Variants in SFMBT1 observed in about 807,000 individuals in gnomAD.
SFMBT1 encodes scm-like with four MBT domains protein 1.
SFMBT1 carries 32 observed loss-of-function variants against 108.7 expected under a neutral mutation model. The ratio of observed to expected loss-of-function variants is 0.29; its 90% CI spans 0.22 to 0.40. SFMBT1 has a LOEUF of 0.40. Among genes scored for constraint, SFMBT1 ranks in the 10% least tolerant of loss-of-function variants. The pLI, the probability that SFMBT1 is intolerant of heterozygous loss-of-function variation, is 1.00. For missense variants in SFMBT1, 816 were observed against 1,059.6 expected, an observed-to-expected ratio of 0.77 and a Z score of 3.19; for synonymous variants, 348 against 369.5, an observed-to-expected ratio of 0.94 and a Z score of 0.67.
chr3:52,959,994 G>A (rs1703907158), intron 2 of SFMBT1, among the ~76,000 whole-genome samples: 1 of 151,898 alleles, frequency 6.6e-6, no homozygotes, highest in African/African-American at 2.4e-5. Flanking sequence ...TAAATATAAG[G>A]ATGTTCATCA....
intron 4 of SFMBT1, among the ~76,000 whole-genome samples, chr3:52,942,156 T>A (rs1283849638): frequency 1.3e-5 from 2 of 152,158 alleles, no homozygotes; most frequent in African/African-American, 2.4e-5. Flanking sequence ...AAGACCATGT[T>A]TATTAAACAA....
intron 2 of SFMBT1, among the ~76,000 whole-genome samples, chr3:52,956,015 G>A (rs61331336): frequency 0.033 from 4,977 of 152,242 alleles, 304 homozygotes; most frequent in African/African-American, 0.11. Flanking sequence ...CCACAATTAC[G>A]TAGGCTTCAT....
chr3:52,969,245 T>C lies in SFMBT1; in HGVS notation c.-117A>G. On this transcript the variant is annotated 5_prime_UTR_variant, in exon 2 of 21. Transcript: ENST00000394752. ...CATCTGTTCAATGGGTATCCACGGG[T>C]CCAAATGAAAGTGCTGAAAAATGAA... The C allele has an allele frequency of 6.5e-7, 1 of 1,537,186 alleles. No homozygotes were observed. Among genetic ancestry groups the C allele is most frequent in the Non-Finnish European group, 8.7e-7 (1 of 1,147,368 alleles).
chr3:52,981,223 T>C (rs1704699962), intron 1 of SFMBT1, among the ~76,000 whole-genome samples: 2 of 149,942 alleles, frequency 1.3e-5, no homozygotes, highest in African/African-American at 4.9e-5. Context: ...CAGCAAAGGA[T>C]GGTTTGATAA....
In SFMBT1 at chr3:52,940,251, C is replaced by T. The variant is rs567857843; in HGVS notation, c.364+3102G>A. Among the ~76,000 whole-genome samples, 5 of 152,342 alleles carry T rather than the reference C, an allele frequency of 3.3e-5. No homozygotes were observed. In the East Asian group the frequency reaches 5.8e-4, roughly 18 times the overall value. On this transcript the variant is annotated intron_variant, in intron 4 of 20. Coordinates refer to ENST00000394752, the MANE Select transcript of SFMBT1 (RefSeq NM_016329.4). ...AGAAGCCCACAGACATCCCAGGACCCTAACACTCAGATCTTCGTTTCCAAA... is the reference window on the plus strand; with the variant it reads ...AGAAGCCCACAGACATCCCAGGACCTTAACACTCAGATCTTCGTTTCCAAA...
chr3:53,006,454 C>T (rs1475534932), intron 1 of SFMBT1, among the ~76,000 whole-genome samples: 1 of 152,002 alleles, frequency 6.6e-6, no homozygotes. Flanking sequence ...CATGGTGAAA[C>T]CCCGTCTCTA....
intron 2 of SFMBT1, among the ~76,000 whole-genome samples, chr3:52,960,410 C>T (rs1210842968): frequency 6.6e-6 from 1 of 152,056 alleles, no homozygotes; most frequent in Non-Finnish European, 1.5e-5. Flanking sequence ...CATTACTAAT[C>T]ATTAGGGAAA....
In SFMBT1 at chr3:52,928,207, G is replaced by A; in HGVS notation, c.1032C>T (p.His344=). 1 of 1,613,128 alleles carries A rather than the reference G, an allele frequency of 6.2e-7. No homozygotes were observed. The highest frequency in any genetic ancestry group is 2.2e-5 in the East Asian group (1 of 44,764). Reference sequence around the variant, plus strand: ...AATGTGCACCTGGAGGGGGGCTGATGTGTAGGCCATTCTTCAGACTCCACT... The same window carrying A: ...AATGTGCACCTGGAGGGGGGCTGATATGTAGGCCATTCTTCAGACTCCACT... ...PVQWSLKNGL[H]ISPPPGYPSQ... The change falls in exon 9 of 21, where the codon CAC becomes CAT. Residue 344 remains histidine, a synonymous_variant. Transcript: ENST00000394752.
chr3:52,966,453 G>A (rs1704150707), intron 2 of SFMBT1, among the ~76,000 whole-genome samples: 2 of 150,656 alleles, frequency 1.3e-5, no homozygotes, highest in Admixed American at 6.6e-5. Context: ...GTGAAACCCC[G>A]TCTCTACTAA....
intron 3 of SFMBT1, among the ~76,000 whole-genome samples, chr3:52,944,664 C>T (rs945084825): frequency 5.9e-5 from 9 of 151,922 alleles, no homozygotes; most frequent in Non-Finnish European, 1.0e-4. Context: ...GGGTTACAGG[C>T]GCCCGCCACA....
At chr3:52,941,578 A>G (rs1703183498) in intron 4 of SFMBT1, among the ~76,000 whole-genome samples, 1 of 110,348 alleles carries the variant, frequency 9.1e-6, no homozygotes, top group Non-Finnish European at 1.7e-5. Context: ...TGGGCAACAG[A>G]GTGAGACTCT....
At chr3:52,945,370 G>A (rs1298811469) in intron 3 of SFMBT1, among the ~76,000 whole-genome samples, 1 of 151,810 alleles carries the variant, frequency 6.6e-6, no homozygotes, top group South Asian at 2.1e-4. Flanking sequence ...ATAACTAATA[G>A]ATTTAAATAA....
intron 1 of SFMBT1, among the ~76,000 whole-genome samples, chr3:53,024,944 C>T (rs2581780): frequency 0.72 from 108,990 of 152,014 alleles, 39,297 homozygotes; most frequent in South Asian, 0.86. Flanking sequence ...ATAAAGTATA[C>T]AATGACTTTA....
At chr3:53,022,238 C>A (rs1335114372) in intron 1 of SFMBT1, among the ~76,000 whole-genome samples, 5 of 151,912 alleles carry the variant, frequency 3.3e-5, no homozygotes, top group Non-Finnish European at 7.4e-5. Context: ...TCACTTGAGC[C>A]CAGGAGTTGG....
At chr3:52,983,425 T>G (rs1319551707) in intron 1 of SFMBT1, among the ~76,000 whole-genome samples, 1 of 152,208 alleles carries the variant, frequency 6.6e-6, no homozygotes, top group Non-Finnish European at 1.5e-5. Context: ...ATTAGTAAAG[T>G]TTTTGAGAAG....
intron 17 of SFMBT1, among the ~76,000 whole-genome samples, chr3:52,909,450 A>G (rs770689536): frequency 2.6e-5 from 4 of 152,144 alleles, no homozygotes; most frequent in Non-Finnish European, 5.9e-5. Context: ...GACTTATAAG[A>G]TTTTGTAATT....
intron 1 of SFMBT1, among the ~76,000 whole-genome samples, chr3:53,006,139 G>C (rs1559546600): frequency 6.6e-6 from 1 of 152,216 alleles, no homozygotes; most frequent in Non-Finnish European, 1.5e-5. Flanking sequence ...GAAAAGACTA[G>C]AAAGCTAGGT....
chr3:53,026,689 G>A (rs923215970), intron 1 of SFMBT1, among the ~76,000 whole-genome samples: 8 of 152,154 alleles, frequency 5.3e-5, no homozygotes, highest in African/African-American at 1.9e-4. Context: ...AGATCTGTGT[G>A]GTTGGTTCTT....
At chr3:52,980,207 G>C (rs970836331) in intron 1 of SFMBT1, among the ~76,000 whole-genome samples, 1 of 152,084 alleles carries the variant, frequency 6.6e-6, no homozygotes. Context: ...CAAACCTAAA[G>C]ATGCAGTTTT....
Sources: allele counts gnomAD v4.1 joint callset (sites outside exome capture counted in the v4.1 genomes callset), GRCh38; gene constraint gnomAD v4.1.1; transcripts MANE v1.5; gene names NCBI Gene and HGNC (gene_info 2026-07-23, HGNC 2026-07-21).